Variants in NOCT observed in about 807,000 individuals in gnomAD.
NOCT encodes the protein nocturnin.
In NOCT, 18 loss-of-function variants were observed where a neutral mutation model predicts 35.0. The ratio of observed to expected loss-of-function variants is 0.51; its 90% confidence interval spans 0.36 to 0.76. NOCT has a LOEUF of 0.76. Among genes scored for constraint, NOCT ranks in the 30% least tolerant of loss-of-function variants. NOCT has a pLI of 0.01. For missense variants in NOCT, 479 were observed against 541.0 expected (o/e 0.89, Z 1.14); for synonymous variants, 235 against 226.3 (o/e 1.04, Z -0.34).
intron 1 of NOCT, among the ~76,000 whole-genome samples, chr4:139,023,532 G>C (rs1317076570): frequency 6.6e-6 from 1 of 152,136 alleles, no homozygotes; most frequent in Non-Finnish European, 1.5e-5. Context: ...GTCTTGCTCT[G>C]TTCCTCAAGC....
At chr4:139,017,594 C>T (rs1360429086) in intron 1 of NOCT, among the ~76,000 whole-genome samples, 1 of 147,960 alleles carries the variant, frequency 6.8e-6, no homozygotes, top group African/African-American at 2.5e-5. Context: ...CTGTGGGAGG[C>T]GGAGGCGGGT....
intron 1 of NOCT, among the ~76,000 whole-genome samples, chr4:139,026,552 T>C (rs1231131832): frequency 6.7e-6 from 1 of 148,408 alleles, no homozygotes. Context: ...TTTTCATACT[T>C]CTTTTTTTTT....
chr4:139,040,039 T>A (rs1726808029), intron 1 of NOCT, among the ~76,000 whole-genome samples: 2 of 107,082 alleles, frequency 1.9e-5, no homozygotes, highest in Admixed American at 1.2e-4. Flanking sequence ...CTTGTATCAT[T>A]TTCTTTTTTT....
intron 1 of NOCT, among the ~76,000 whole-genome samples, chr4:139,035,957 TG>T (rs1282640329): frequency 6.6e-6 from 1 of 152,202 alleles, no homozygotes; most frequent in Non-Finnish European, 1.5e-5. Context: ...TCCCGGTCTC[TG>T]CTCAAATTCC....
chr4:139,043,191 A>G lies in NOCT; in HGVS notation c.308A>G (p.Glu103Gly). 1 of 1,614,194 alleles carries G rather than the reference A, an allele frequency of 6.2e-7. No individual in the cohort carries two copies. The change falls in exon 2 of 3, where the codon GAG (glutamate) becomes GGG (glycine). Residue 103 changes from glutamate to glycine, a missense_variant. Around this residue, in one of 2 missense-constraint regions of NOCT, gnomAD observed 265 missense variants for 257.0 expected, o/e 1.03. Transcript: ENST00000280614. ...GTGTCACCTGACCCAGAGCATCTGGAGCCCATTGATCCTAAAGAGCTTCTT... is the reference window on the plus strand; with the variant it reads ...GTGTCACCTGACCCAGAGCATCTGGGGCCCATTGATCCTAAAGAGCTTCTT... ...YLVSPDPEHL[E>G]PIDPKELLEE...
intron 1 of NOCT, chr4:139,028,062 T>C (rs898423698): frequency 3.3e-5 from 5 of 152,328 alleles, no homozygotes; most frequent in Non-Finnish European, 7.3e-5. Context: ...ACGTCATTTT[T>C]CCAAGTGTCC....
chr4:139,036,702 T>C (rs1014935630), intron 1 of NOCT, among the ~76,000 whole-genome samples: 1 of 152,174 alleles, frequency 6.6e-6, no homozygotes, highest in African/African-American at 2.4e-5. Flanking sequence ...AGCACATATT[T>C]TATTGGCATA....
At chr4:139,016,481 G>A (rs755672621) in intron 1 of NOCT, among the ~76,000 whole-genome samples, 2 of 151,790 alleles carry the variant, frequency 1.3e-5, no homozygotes, top group Non-Finnish European at 2.9e-5. Flanking sequence ...CCGAGGCCGC[G>A]AGTTACTATG....
Position 139,015,862 on chromosome 4 carries a change from A to G in NOCT, c.-120A>G. 1.3e-6 allele frequency: 1 copy of G among 764,764 alleles called. No individual in the cohort carries two copies. The highest frequency in any genetic ancestry group is 1.8e-6 in the Non-Finnish European group (1 of 569,662). 47.4% of individuals were successfully genotyped at this position (764,764 alleles called of 1,614,324 possible). A position where few individuals can be genotyped will look rare whatever the true frequency, so the allele number is the denominator to read the frequency against. On this transcript the variant is annotated 5_prime_UTR_variant, in exon 1 of 3. Coordinates refer to ENST00000280614, the MANE Select transcript of NOCT (RefSeq NM_012118.4). The stretch of plus-strand genomic sequence containing the variant: ...TTCCCCAGAACCTGCGCCGCGCGAG[A>G]AGGAGCCTGGGAGCATCCGCCCACA...
chr4:139,016,158 G>C lies in NOCT; in HGVS notation c.177G>C (p.Ser59=), dbSNP rs2148640915. The C allele has an allele frequency of 8.7e-6, 11 of 1,266,656 alleles. No homozygotes were observed. In the East Asian group the frequency reaches 3.5e-4, roughly 40 times the overall value. 78.5% of individuals were successfully genotyped at this position (1,266,656 alleles called of 1,614,324 possible). A position where few individuals can be genotyped will look rare whatever the true frequency, so the allele number is the denominator to read the frequency against. ...AASAASGAAR[S]CSRTVCSMGT... ...CGGCGGCCTCGGGCGCCGCGAGGTC[G>C]TGTTCCCGAACAGGTGAGTGCACCC... is the stretch of plus-strand genomic sequence containing the variant. Residue 59 remains serine, a synonymous_variant, in exon 1 of 3, where the codon TCG becomes TCC. Coordinates refer to ENST00000280614, the MANE Select transcript of NOCT (RefSeq NM_012118.4).
chr4:139,027,690 G>T (rs1726548663), intron 1 of NOCT, among the ~76,000 whole-genome samples: 1 of 152,080 alleles, frequency 6.6e-6, no homozygotes, highest in Non-Finnish European at 1.5e-5. Flanking sequence ...AGTAGAGACA[G>T]CATTTCACTG....
intron 1 of NOCT, among the ~76,000 whole-genome samples, chr4:139,033,939 C>T (rs1726672054): frequency 6.6e-6 from 1 of 152,008 alleles, no homozygotes; most frequent in Non-Finnish European, 1.5e-5. Flanking sequence ...GCCCAGGCTA[C>T]TCTCAAACTC....
chr4:139,043,308 C>T lies in NOCT; in HGVS notation c.425C>T (p.Pro142Leu). The change falls in exon 2 of 3, where the codon CCT (proline) becomes CTT (leucine). Residue 142 changes from proline (P) to leucine (L), a missense_variant. This residue lies in a region of NOCT where 265 missense variants were observed against 257.0 expected (regional missense o/e 1.03). Coordinates refer to ENST00000280614, the MANE Select transcript of NOCT (RefSeq NM_012118.4). ...LRTDCPSTHP[P>L]IRVMQWNILA... is the part of the protein sequence containing the mutation. ...ACAGATTGCCCTAGTACCCACCCAC[C>T]TATCAGGGTTATGCAATGGAACATC... 6.2e-7 allele frequency: 1 copy of T among 1,614,116 alleles called. No individual in the cohort carries two copies. The highest frequency in any genetic ancestry group is 8.5e-7 in the Non-Finnish European group (1 of 1,180,014).
At chr4:139,029,323 G>C (rs1384442046) in intron 1 of NOCT, among the ~76,000 whole-genome samples, 1 of 152,228 alleles carries the variant, frequency 6.6e-6, no homozygotes, top group South Asian at 2.1e-4. Flanking sequence ...AAGAAGCAGA[G>C]AGGTAAATAA....
intron 1 of NOCT, among the ~76,000 whole-genome samples, chr4:139,021,015 C>T (rs548392609): frequency 2.9e-4 from 43 of 146,574 alleles, no homozygotes; most frequent in Admixed American, 1.3e-3. Context: ...ATCAGTGAGC[C>T]GAGATTGCGC....
rs752007536 is a variant in NOCT at position 139,044,661 on chromosome 4, C to G, written c.483C>G (p.Asn161Lys). 9 of 1,613,508 alleles carry G rather than the reference C, an allele frequency of 5.6e-6. No homozygotes were observed. In the African/African-American group the frequency reaches 1.1e-4, roughly 19 times the overall value. ...CAGCTCTTGGAGAAGGCAAAGACAA[C>G]TTTGTACAGTGCCCTGTTGAAGCAC... ...LAQALGEGKDNFVQCPVEALK... is the reference protein window; with the variant it reads ...LAQALGEGKDKFVQCPVEALK... The change falls in exon 3 of 3, where the codon AAC (asparagine) becomes AAG (lysine). Residue 161 changes from asparagine (N) to lysine (K), a missense_variant. Coordinates refer to ENST00000280614, the MANE Select transcript of NOCT (RefSeq NM_012118.4).
In NOCT at chr4:139,036,122, G is replaced by T. The variant is rs190224611; in HGVS notation, c.191-6952G>T. Among the ~76,000 whole-genome samples the T allele has an allele frequency of 4.7e-3, 719 of 152,188 alleles. 6 individuals are homozygous for T. Among genetic ancestry groups the T allele is most frequent in the African/African-American group, 0.017 (693 of 41,502 alleles). ...ACACATATATATGTTTGTATATAGG[G>T]TCTTGTTTGTCTCTCCCCACTAGAA... On this transcript the variant is annotated intron_variant, in intron 1 of 2. Transcript: ENST00000280614.
In NOCT at chr4:139,045,343, A is replaced by C. The variant is rs557454341; in HGVS notation, c.1165A>C (p.Arg389=). The stretch of plus-strand genomic sequence containing the variant: ...GTATTCTAAACATGCTCTAAATGTA[A>C]GGTCAGCTCTCGATCTGCTCACTGA... The part of the protein sequence containing the change: ...IWYSKHALNV[R]SALDLLTEEQ... Residue 389 remains arginine, a synonymous_variant, in exon 3 of 3, where the codon AGG becomes CGG. Coordinates refer to ENST00000280614, the MANE Select transcript of NOCT (RefSeq NM_012118.4). 1 of 1,614,004 alleles carries C rather than the reference A, an allele frequency of 6.2e-7. No homozygotes were observed. Among genetic ancestry groups the C allele is most frequent in the East Asian group, 2.2e-5 (1 of 44,870 alleles).
Position 139,016,087 on chromosome 4 carries a change from G to C in NOCT, c.106G>C (p.Ala36Pro). Residue 36 changes from alanine (A) to proline (P), a missense_variant, in exon 1 of 3, where the codon GCT becomes CCT. Transcript: ENST00000280614. Reference sequence around the variant, plus strand: ...GCTGCGCCGCCCGTTGTCCCCGCCGGCTGCTGTTCCCAGGCCCGCATCCCC... The same window carrying C: ...GCTGCGCCGCCCGTTGTCCCCGCCGCCTGCTGTTCCCAGGCCCGCATCCCC... ...PGLRRPLSPP[A>P]AVPRPASPRL... 7.2e-7 allele frequency: 1 copy of C among 1,390,332 alleles called. No homozygotes were observed. 86.1% of individuals were successfully genotyped at this position (1,390,332 alleles called of 1,614,324 possible).
Sources: allele counts gnomAD v4.1 joint callset (sites outside exome capture counted in the v4.1 genomes callset), GRCh38; gene constraint gnomAD v4.1.1; regional missense constraint gnomAD v4.1.1; transcripts MANE v1.5; gene names NCBI Gene and HGNC (gene_info 2026-07-23, HGNC 2026-07-21).